The following SORCS1 variants were observed in gnomAD, a reference collection of about 807,000 sequenced individuals.
The protein encoded by SORCS1 is sortilin related VPS10 domain containing receptor 1, also known as VPS10 domain-containing receptor SorCS1.
SORCS1 carries 60 observed loss-of-function variants against 146.1 expected under a neutral mutation model. That is an observed-to-expected ratio of 0.41 (90% CI 0.33 to 0.51). The LOEUF is 0.51. Among genes scored for constraint, SORCS1 ranks in the 20% least tolerant of loss-of-function variants. SORCS1 has a pLI of 0.21. For missense variants in SORCS1, 1,352 were observed against 1,487.6 expected, an observed-to-expected ratio of 0.91 and a Z score of 1.50; for synonymous variants, 637 against 584.0, an observed-to-expected ratio of 1.09 and a Z score of -1.31.
chr10:106,931,614 G>A (rs1346568218), intron 2 of SORCS1, among the ~76,000 whole-genome samples: 2 of 152,218 alleles, frequency 1.3e-5, no homozygotes, highest in Admixed American at 6.5e-5. Flanking sequence ...AGGCATCATC[G>A]TGGGAAAGCC....
intron 18 of SORCS1, among the ~76,000 whole-genome samples, chr10:106,649,819 T>G (rs537024065): frequency 1.2e-3 from 177 of 152,290 alleles, no homozygotes; most frequent in African/African-American, 3.8e-3. Context: ...TCTTTTATGC[T>G]CTAGATGGCG....
intron 2 of SORCS1, among the ~76,000 whole-genome samples, chr10:106,898,910 G>T (rs1421980500): frequency 6.6e-6 from 1 of 152,140 alleles, no homozygotes; most frequent in Non-Finnish European, 1.5e-5. Context: ...GGAACTCACT[G>T]CCTGGTCTTG....
At chr10:107,030,149 C>T (rs138083607) in intron 1 of SORCS1, among the ~76,000 whole-genome samples, 2 of 151,854 alleles carry the variant, frequency 1.3e-5, no homozygotes, top group East Asian at 3.9e-4. Flanking sequence ...GTTTTAAGAA[C>T]ATCTCTTTTG....
At chr10:106,935,932 T>C (rs530906140) in intron 2 of SORCS1, among the ~76,000 whole-genome samples, 9 of 152,350 alleles carry the variant, frequency 5.9e-5, no homozygotes, top group African/African-American at 2.2e-4. Context: ...CTAACATTTC[T>C]AGAAAGTACT....
chr10:106,762,386 C>CTTTTTTTTT (rs869195563), intron 4 of SORCS1, among the ~76,000 whole-genome samples: 35 of 73,830 alleles, frequency 4.7e-4, no homozygotes, highest in Admixed American at 7.6e-4. Flanking sequence ...TTTTATTATT[C>CTTTTTTTTT]TTTTTTTTTT....
chr10:106,738,195 A>G (rs1322498451), intron 5 of SORCS1, among the ~76,000 whole-genome samples: 1 of 152,244 alleles, frequency 6.6e-6, no homozygotes, highest in Non-Finnish European at 1.5e-5. Flanking sequence ...TAATAGTCAA[A>G]GGGATCCTTA....
At chr10:107,032,276 GGGGAA>G (rs1474435867) in intron 1 of SORCS1, among the ~76,000 whole-genome samples, 1 of 152,134 alleles carries the variant, frequency 6.6e-6, no homozygotes, top group African/African-American at 2.4e-5. Flanking sequence ...GGGCAAAAAA[GGGGAA>G]GTTATTACAT....
Position 106,671,325 on chromosome 10 carries a change from G to A in SORCS1, c.2101C>T (p.Arg701Ter), listed in dbSNP as rs778748506. 3.7e-6 allele frequency: 6 copies of A among 1,613,848 alleles called. No individual in the cohort carries two copies. Among genetic ancestry groups the A allele is most frequent in the African/African-American group, 1.3e-5 (1 of 74,858 alleles). Residue 701 changes from arginine (R) to a stop codon, truncating the protein, a stop_gained, in exon 16 of 26, where the codon CGA (arginine) becomes TGA (stop). Coordinates refer to ENST00000263054, the MANE Select transcript of SORCS1 (RefSeq NM_052918.5). LOFTEE classifies it high-confidence loss of function. ...IMGAKRIYKK[R>*]KSERKCMQGK... is the part of the protein sequence containing the mutation. ...TGCATACACTTCCGCTCTGATTTTC[G>A]CTTCTTATATATCCTTTTTGCTCCC... is the stretch of plus-strand genomic sequence containing the variant.
Position 107,123,162 on chromosome 10 carries a change from C to T in SORCS1, c.558+40807G>A, listed in dbSNP as rs184907556. Among the ~76,000 whole-genome samples the T allele has an allele frequency of 2.6e-5, 4 of 151,646 alleles. No homozygotes were observed. In the East Asian group the frequency reaches 7.8e-4, roughly 29 times the overall value. Reference sequence around the variant, plus strand: ...AAGTGTCTGAAGAGCCAAAGCAGCTCCCAACTTACAAGGGGGTATATGGTA... The same window carrying T: ...AAGTGTCTGAAGAGCCAAAGCAGCTTCCAACTTACAAGGGGGTATATGGTA... On this transcript the variant is annotated intron_variant, in intron 1 of 25. Coordinates refer to ENST00000263054, the MANE Select transcript of SORCS1 (RefSeq NM_052918.5).
chr10:107,164,737 C>T (rs900863081), upstream of SORCS1, among the ~76,000 whole-genome samples: 3 of 149,954 alleles, frequency 2.0e-5, no homozygotes, highest in African/African-American at 7.3e-5. The surrounding 1 kb of genome is among the most constrained non-coding windows in gnomAD (Gnocchi z 6.8). Context: ...GAGCGAGCCG[C>T]CGCCGCGCGG....
intron 3 of SORCS1, among the ~76,000 whole-genome samples, chr10:106,783,578 G>A (rs1206095607): frequency 4.6e-5 from 7 of 152,228 alleles, no homozygotes; most frequent in Middle Eastern, 6.8e-3. Context: ...AAAAAAAAGA[G>A]ACAGCAAGAA....
intron 1 of SORCS1, among the ~76,000 whole-genome samples, chr10:107,099,381 G>T (rs1235223436): frequency 5.3e-5 from 8 of 152,120 alleles, no homozygotes; most frequent in Admixed American, 5.2e-4. Flanking sequence ...CCCTTTCCAT[G>T]AGCATTTCCA....
At chr10:106,729,696 T>A (rs1051801791) in intron 6 of SORCS1, among the ~76,000 whole-genome samples, 5 of 152,172 alleles carry the variant, frequency 3.3e-5, no homozygotes, top group African/African-American at 1.2e-4. Flanking sequence ...TATTTCTGGA[T>A]AACCTATATA....
chr10:106,715,028 G>A (rs1401525903), intron 6 of SORCS1, among the ~76,000 whole-genome samples: 1 of 152,186 alleles, frequency 6.6e-6, no homozygotes, highest in Non-Finnish European at 1.5e-5. Context: ...TGAACAGTCT[G>A]CCCGTGGTAA....
At chr10:106,608,254 C>T (rs922272956) in intron 22 of SORCS1, among the ~76,000 whole-genome samples, 4 of 152,310 alleles carry the variant, frequency 2.6e-5, no homozygotes, top group African/African-American at 7.2e-5. Flanking sequence ...ACAACTCTTA[C>T]GCTTTTGCCA....
chr10:106,986,542 GTGTGTGTC>G (rs1159070750), intron 1 of SORCS1, among the ~76,000 whole-genome samples: 1 of 137,064 alleles, frequency 7.3e-6, no homozygotes, highest in Non-Finnish European at 1.7e-5. Flanking sequence ...GTGTGTGTGT[GTGTGTGTC>G]TGTGAGTGTG....
At chr10:107,165,514 A>G (rs1970023727), upstream of SORCS1, among the ~76,000 whole-genome samples, 1 of 152,172 alleles carries the variant, frequency 6.6e-6, no homozygotes, top group African/African-American at 2.4e-5. This position sits in a 1 kb window ranked among gnomAD's most constrained non-coding sequence, Gnocchi z 4.0. Context: ...GAGGACAGGA[A>G]GATCAAATTT....
chr10:106,726,853 G>A lies in SORCS1; in HGVS notation c.1024+3197C>T, dbSNP rs188389045. Among the ~76,000 whole-genome samples, 6 of 152,206 alleles carry A rather than the reference G, an allele frequency of 3.9e-5. No homozygotes were observed. In the East Asian group the frequency reaches 7.7e-4, roughly 20 times the overall value. ...TATAATCCCAGCACTTTGGGAGGCC[G>A]AGACGGGCGGATCACGAGGTGAGGA... On this transcript the variant is annotated intron_variant, in intron 6 of 25. Transcript: ENST00000263054.
chr10:106,781,180 T>A (rs1170851552), intron 3 of SORCS1, among the ~76,000 whole-genome samples: 1 of 152,154 alleles, frequency 6.6e-6, no homozygotes, highest in African/African-American at 2.4e-5. Flanking sequence ...TACTATTTAG[T>A]TTTCCAAATT....
Sources: allele counts gnomAD v4.1 joint callset (sites outside exome capture counted in the v4.1 genomes callset), GRCh38; gene constraint gnomAD v4.1.1; non-coding constraint Gnocchi (gnomAD v3.1); transcripts MANE v1.5; gene names NCBI Gene and HGNC (gene_info 2026-07-23, HGNC 2026-07-21).